Variants in HS3ST4 observed in about 807,000 individuals in gnomAD.
The protein encoded by HS3ST4 is heparan sulfate glucosamine 3-O-sulfotransferase 4.
A neutral mutation model predicts 29.2 loss-of-function variants in HS3ST4; 17 were observed. That is an observed-to-expected ratio of 0.58 (90% CI 0.40 to 0.87). The LOEUF (loss-of-function observed/expected upper bound fraction) is 0.87, where lower values mean the gene tolerates loss of function less well. HS3ST4 is among the 40% of genes least tolerant of loss of function. The pLI is 0.00. For missense variants in HS3ST4, 627 were observed against 634.5 expected, an observed-to-expected ratio of 0.99 and a Z score of 0.13; for synonymous variants, 314 against 285.7, an observed-to-expected ratio of 1.10 and a Z score of -1.00.
chr16:25,970,492 A>T (rs991484053), intron 1 of HS3ST4, among the ~76,000 whole-genome samples: 1 of 151,770 alleles, frequency 6.6e-6, no homozygotes, highest in Non-Finnish European at 1.5e-5. Flanking sequence ...TCAATCATTC[A>T]CTCATTCATC....
At chr16:25,715,580 ACTTCT>A (rs765916799) in intron 1 of HS3ST4, among the ~76,000 whole-genome samples, 54 of 152,306 alleles carry the variant, frequency 3.5e-4, no homozygotes, top group African/African-American at 9.4e-4. Context: ...AAAAGCAAAT[ACTTCT>A]CTTCTCTCTT....
intron 1 of HS3ST4, among the ~76,000 whole-genome samples, chr16:25,846,595 A>G (rs914955005): frequency 4.0e-5 from 6 of 151,754 alleles, no homozygotes; most frequent in Non-Finnish European, 8.8e-5. Context: ...TTAAGTTTGT[A>G]GTATCTTTCA....
intron 1 of HS3ST4, among the ~76,000 whole-genome samples, chr16:26,044,625 T>TA (rs963383362): frequency 9.9e-5 from 15 of 151,178 alleles, no homozygotes; most frequent in South Asian, 4.2e-4. Context: ...AAATGTAAGT[T>TA]AAAAAAAAAT....
intron 1 of HS3ST4, among the ~76,000 whole-genome samples, chr16:25,791,103 C>A (rs570861967): frequency 2.7e-5 from 4 of 148,318 alleles, no homozygotes; most frequent in Non-Finnish European, 4.5e-5. Context: ...TTTTTTTTTT[C>A]TGATGGGGTA....
chr16:26,029,253 G>A (rs139105372), intron 1 of HS3ST4, among the ~76,000 whole-genome samples: 54 of 152,274 alleles, frequency 3.5e-4, no homozygotes, highest in African/African-American at 1.3e-3. Context: ...AGGGAAACCT[G>A]GGGGCAGGAC....
intron 1 of HS3ST4, among the ~76,000 whole-genome samples, chr16:25,975,181 C>G (rs1968931966): frequency 6.6e-6 from 1 of 151,734 alleles, no homozygotes; most frequent in African/African-American, 2.4e-5. Flanking sequence ...CATGCAAATT[C>G]ATGCAGAAAC....
intron 1 of HS3ST4, among the ~76,000 whole-genome samples, chr16:25,986,880 A>C (rs893684670): frequency 3.9e-5 from 6 of 152,266 alleles, no homozygotes; most frequent in Admixed American, 3.3e-4. Flanking sequence ...TTGTTTTGCC[A>C]CTGCGCTACA....
intron 1 of HS3ST4, among the ~76,000 whole-genome samples, chr16:26,058,690 G>T (rs1181938184): frequency 6.6e-6 from 1 of 152,190 alleles, no homozygotes; most frequent in East Asian, 1.9e-4. Context: ...AATTGGTTCT[G>T]TTGTATCCTT....
Position 26,094,391 on chromosome 16 carries a change from G to A in HS3ST4, c.735-41221G>A, listed in dbSNP as rs137904155. On this transcript the variant is annotated intron_variant, in intron 1 of 1. Transcript: ENST00000331351. The stretch of plus-strand genomic sequence containing the variant: ...AAGGTCGAGTTACCCACAAAGGGAA[G>A]CCCATCAGACTAACAGTGGATCTCT... Among the ~76,000 whole-genome samples, 137 of 152,326 alleles carry A rather than the reference G, an allele frequency of 9.0e-4. 3 individuals carry two copies. In the East Asian group the frequency reaches 0.025, roughly 28 times the overall value.
chr16:25,838,885 GT>G (rs1967387184), intron 1 of HS3ST4, among the ~76,000 whole-genome samples: 1 of 152,102 alleles, frequency 6.6e-6, no homozygotes, highest in Admixed American at 6.5e-5. Context: ...ATTCTCTTTT[GT>G]GATTTGCCTT....
intron 1 of HS3ST4, among the ~76,000 whole-genome samples, chr16:26,040,734 T>A (rs2141758541): frequency 6.6e-6 from 1 of 152,222 alleles, no homozygotes; most frequent in Non-Finnish European, 1.5e-5. Flanking sequence ...GTTTATTCAG[T>A]TGTGTTATGG....
At chr16:25,697,652 T>G (rs934231274) in intron 1 of HS3ST4, among the ~76,000 whole-genome samples, 3 of 152,226 alleles carry the variant, frequency 2.0e-5, no homozygotes, top group African/African-American at 7.2e-5. Context: ...CATGTAGATT[T>G]GGATTCAGCC....
At chr16:25,765,458 C>T (rs1242825277) in intron 1 of HS3ST4, among the ~76,000 whole-genome samples, 1 of 152,190 alleles carries the variant, frequency 6.6e-6, no homozygotes, top group East Asian at 1.9e-4. Flanking sequence ...GATTAGGGTA[C>T]ATGGACCTGG....
chr16:25,767,752 G>A (rs1288599455), intron 1 of HS3ST4, among the ~76,000 whole-genome samples: 2 of 152,112 alleles, frequency 1.3e-5, no homozygotes, highest in Non-Finnish European at 2.9e-5. Flanking sequence ...CATGGCAAAC[G>A]CTCAAGAGAT....
intron 1 of HS3ST4, among the ~76,000 whole-genome samples, chr16:26,047,606 A>G (rs1037557047): frequency 1.3e-5 from 2 of 152,206 alleles, no homozygotes; most frequent in Non-Finnish European, 2.9e-5. Flanking sequence ...TCCAGGTCAC[A>G]CAGCTAGTAA....
chr16:25,921,135 A>G (rs1157438657), intron 1 of HS3ST4, among the ~76,000 whole-genome samples: 6 of 152,172 alleles, frequency 3.9e-5, no homozygotes, highest in Admixed American at 6.5e-5. Flanking sequence ...CTTGTTTACT[A>G]CCTTGTCTGT....
chr16:25,778,872 C>T (rs1229838179), intron 1 of HS3ST4, among the ~76,000 whole-genome samples: 3 of 152,148 alleles, frequency 2.0e-5, no homozygotes, highest in African/African-American at 4.8e-5. Flanking sequence ...CCTGGCCCTG[C>T]GGATTTTGGA....
At chr16:25,908,497 T>C (rs115097374) in intron 1 of HS3ST4, among the ~76,000 whole-genome samples, 2,221 of 152,244 alleles carry the variant, frequency 0.015, 44 homozygotes, top group African/African-American at 0.042. Flanking sequence ...TGGGACATGG[T>C]CCAGATCCTT....
At chr16:25,908,931 C>T (rs1179402967) in intron 1 of HS3ST4, among the ~76,000 whole-genome samples, 1 of 152,160 alleles carries the variant, frequency 6.6e-6, no homozygotes, top group African/African-American at 2.4e-5. Flanking sequence ...TTGGACAATA[C>T]AGTGATGTTA....
Sources: allele counts gnomAD v4.1 joint callset (sites outside exome capture counted in the v4.1 genomes callset), GRCh38; gene constraint gnomAD v4.1.1; transcripts MANE v1.5; gene names NCBI Gene and HGNC (gene_info 2026-07-23, HGNC 2026-07-21).